Variants in RYR2 observed in about 807,000 individuals in gnomAD.
The protein encoded by RYR2 is cardiac muscle ryanodine receptor-calcium release channel.
A neutral mutation model predicts 601.1 loss-of-function variants in RYR2; 227 were observed. That is an observed-to-expected ratio of 0.38 (90% CI 0.34 to 0.42). The LOEUF is 0.42. RYR2 is among the 10% of genes least tolerant of loss of function. The pLI is 1.00. For synonymous variants in RYR2, 2,223 were observed against 2,175.1 expected (o/e 1.02, Z -0.61); for missense variants, 4,646 against 6,156.5 (o/e 0.75, Z 8.21).
intron 84 of RYR2, among the ~76,000 whole-genome samples, chr1:237,770,342 C>A (rs1254818785): frequency 6.6e-6 from 1 of 152,114 alleles, no homozygotes; most frequent in Non-Finnish European, 1.5e-5. Flanking sequence ...ATGAATTATT[C>A]TTTAATAAAA....
intron 1 of RYR2, among the ~76,000 whole-genome samples, chr1:237,131,791 G>A (rs1221542992): frequency 6.6e-6 from 1 of 152,028 alleles, no homozygotes; most frequent in Non-Finnish European, 1.5e-5. Context: ...CACGATCATG[G>A]CTCATTGCAG....
intron 10 of RYR2, among the ~76,000 whole-genome samples, chr1:237,405,474 C>G (rs923234137): frequency 6.6e-6 from 1 of 152,230 alleles, no homozygotes; most frequent in Non-Finnish European, 1.5e-5. Context: ...CAGACTCATT[C>G]TCCTGAACTT....
chr1:237,344,297 G>A (rs562767748), intron 3 of RYR2, among the ~76,000 whole-genome samples: 53 of 152,256 alleles, frequency 3.5e-4, no homozygotes, highest in African/African-American at 1.3e-3. Flanking sequence ...ACTATTGCAC[G>A]CTGTCCCTCC....
Position 237,667,942 on chromosome 1 carries a change from G to A in RYR2, c.8574G>A (p.Met2858Ile). Reference sequence around the variant, plus strand: ...ATATATGGGCAAAGAAAAAGAAAATGGAGTTGGAGTCCAAAGGTAATATTT... The same window carrying A: ...ATATATGGGCAAAGAAAAAGAAAATAGAGTTGGAGTCCAAAGGTAATATTT... ...YHNIWAKKKK[M>I]ELESKGGGNH... Residue 2858 changes from methionine (M) to isoleucine (I), a missense_variant, in exon 58 of 105, where the codon ATG (methionine) becomes ATA (isoleucine). This residue lies in a region of RYR2 where 1,497 missense variants were observed against 1,842.6 expected (regional missense o/e 0.81). Transcript: ENST00000366574. 1 of 1,576,516 alleles carries A rather than the reference G, an allele frequency of 6.3e-7. No homozygotes were observed. The highest frequency in any genetic ancestry group is 8.6e-7 in the Non-Finnish European group (1 of 1,160,476).
At chr1:237,394,617 T>G (rs184125961) in intron 10 of RYR2, among the ~76,000 whole-genome samples, 3 of 152,220 alleles carry the variant, frequency 2.0e-5, no homozygotes, top group Non-Finnish European at 4.4e-5. Flanking sequence ...AATTTCACTC[T>G]GAAATAACCT....
At chr1:237,721,358 C>G (rs1219398093) in intron 73 of RYR2, among the ~76,000 whole-genome samples, 1 of 152,128 alleles carries the variant, frequency 6.6e-6, no homozygotes, top group African/African-American at 2.4e-5. Context: ...CTGTGTTTGC[C>G]TGTAGATGAA....
At chr1:237,240,747 G>A (rs964536232) in intron 1 of RYR2, among the ~76,000 whole-genome samples, 4 of 144,118 alleles carry the variant, frequency 2.8e-5, no homozygotes, top group African/African-American at 7.6e-5. Flanking sequence ...ATTGGGATAA[G>A]GATCTTTAAG....
chr1:237,698,646 T>A (rs1687702923), intron 63 of RYR2, among the ~76,000 whole-genome samples: 1 of 151,966 alleles, frequency 6.6e-6, no homozygotes, highest in Non-Finnish European at 1.5e-5. Flanking sequence ...ACAATAAGAT[T>A]TAAAAATACA....
chr1:237,689,434 T>C (rs112579184), intron 63 of RYR2, among the ~76,000 whole-genome samples: 2,642 of 152,364 alleles, frequency 0.017, 31 homozygotes, highest in South Asian at 0.035. Context: ...GTAGACTCCA[T>C]TCTATGGATT....
chr1:237,382,951 G>A (rs553969860), intron 8 of RYR2, among the ~76,000 whole-genome samples: 1 of 150,586 alleles, frequency 6.6e-6, no homozygotes, highest in Non-Finnish European at 1.5e-5. Flanking sequence ...GATGCCTGAG[G>A]AGTAATGTGA....
chr1:237,148,935 C>A (rs796400290), intron 1 of RYR2, among the ~76,000 whole-genome samples: 6 of 152,162 alleles, frequency 3.9e-5, no homozygotes, highest in African/African-American at 1.4e-4. Context: ...AATCCAGCCC[C>A]CTACCCCAAA....
intron 10 of RYR2, among the ~76,000 whole-genome samples, chr1:237,389,150 AG>A (rs908983738): frequency 3.3e-5 from 5 of 152,198 alleles, no homozygotes; most frequent in Non-Finnish European, 7.3e-5. Flanking sequence ...CAGTAGGTTT[AG>A]GAAGAAGATG....
In RYR2 at chr1:237,591,089, T is replaced by C. The variant is rs187496422; in HGVS notation, c.4160+97T>C. The C allele has an allele frequency of 2.4e-3, 1,783 of 739,076 alleles. 50 individuals are homozygous for C. In the East Asian group the frequency reaches 0.044, roughly 18 times the overall value. The allele number at this position is 739,076 out of a possible 1,614,324, so 45.8% of individuals were successfully genotyped here. ...CTCCTAGTGTAAATTTTTTCCTCCT[T>C]CTCCTCCTCCTCCTCCTCCTCCTCT... is the stretch of plus-strand genomic sequence containing the variant. On this transcript the variant is annotated intron_variant, in intron 31 of 104. Coordinates refer to ENST00000366574, the MANE Select transcript of RYR2 (RefSeq NM_001035.3).
chr1:237,652,881 G>A (rs1301898804), intron 51 of RYR2, among the ~76,000 whole-genome samples: 1 of 151,914 alleles, frequency 6.6e-6, no homozygotes. Context: ...GTATGTATGT[G>A]TCCATTTTTT....
chr1:237,828,961 G>A (rs950738381), intron 102 of RYR2, among the ~76,000 whole-genome samples: 3 of 152,128 alleles, frequency 2.0e-5, no homozygotes, highest in Non-Finnish European at 4.4e-5. Flanking sequence ...GACATCTCCA[G>A]GGGTACCATT....
intron 102 of RYR2, chr1:237,830,225 C>T: frequency 7.0e-6 from 2 of 285,224 alleles, no homozygotes; most frequent in South Asian, 4.0e-5. Context: ...ATCACTAAGC[C>T]TGGACATTTT....
At chr1:237,474,256 T>G (rs1178170231) in intron 17 of RYR2, among the ~76,000 whole-genome samples, 2 of 138,962 alleles carry the variant, frequency 1.4e-5, no homozygotes, top group African/African-American at 5.0e-5. Context: ...TATATACATA[T>G]GTATAGATAC....
At chr1:237,176,012 G>T (rs1157507233) in intron 1 of RYR2, among the ~76,000 whole-genome samples, 1 of 151,910 alleles carries the variant, frequency 6.6e-6, no homozygotes, top group Non-Finnish European at 1.5e-5. Context: ...TGGGAGGATT[G>T]CTTGAGCCCA....
intron 96 of RYR2, among the ~76,000 whole-genome samples, chr1:237,795,584 G>C (rs970865919): frequency 6.6e-6 from 1 of 151,072 alleles, no homozygotes; most frequent in Admixed American, 6.6e-5. Flanking sequence ...CCGAGTGGCT[G>C]GGATTCCAGG....
Sources: allele counts gnomAD v4.1 joint callset (sites outside exome capture counted in the v4.1 genomes callset), GRCh38; gene constraint gnomAD v4.1.1; regional missense constraint gnomAD v4.1.1; transcripts MANE v1.5; gene names NCBI Gene and HGNC (gene_info 2026-07-23, HGNC 2026-07-21).